Variants in GK observed in about 807,000 individuals in gnomAD.
The protein encoded by GK is ATP:glycerol 3-phosphotransferase.
In GK, 9 loss-of-function variants were observed where a neutral mutation model predicts 56.4. That is an observed-to-expected ratio of 0.16 (90% CI 0.10 to 0.28). The LOEUF is 0.28. Ranked by LOEUF, GK falls within the 10% of genes least tolerant of loss-of-function variation. The pLI is 1.00. For synonymous variants in GK, 104 were observed against 144.1 expected (o/e 0.72, Z 1.99); for missense variants, 161 against 431.4 (o/e 0.37, Z 5.55).
At chrX:30,672,159 C>CAAAAAAAAAAAAAAAAAAAAAAAAAAA in intron 3 of GK, 1 of 21,170 alleles carries the variant, frequency 4.7e-5, no homozygotes, top group Non-Finnish European at 7.5e-5. Flanking sequence ...AACTCCATCT[C>CAAAAAAAAAAAAAAAAAAAAAAAAAAA]AAAAAAAAAA....
At chrX:30,707,262 G>A (rs1209771812) in intron 11 of GK, among the ~76,000 whole-genome samples, 9 of 108,207 alleles carry the variant, frequency 8.3e-5, no homozygotes, top group East Asian at 2.9e-4. Flanking sequence ...CTCGGGAGGC[G>A]GAGGTTGCAA....
At chrX:30,681,961 T>G (rs1029006182) in intron 4 of GK, among the ~76,000 whole-genome samples, 1 of 112,072 alleles carries the variant, frequency 8.9e-6, no homozygotes, top group Non-Finnish European at 1.9e-5. Flanking sequence ...ACCCATTCTC[T>G]TAGTCCATTC....
At chrX:30,694,597 T>C in intron 6 of GK, 60 bp downstream of exon 6, 1 of 976,678 alleles carries the variant, frequency 1.0e-6, no homozygotes, top group Non-Finnish European at 1.5e-6. Context: ...CTAGACTGCC[T>C]TGCCTATTGT....
intron 19 of GK, among the ~76,000 whole-genome samples, chrX:30,725,936 A>G (rs1234476936): frequency 9.0e-6 from 1 of 110,513 alleles, no homozygotes; most frequent in East Asian, 2.8e-4. Context: ...TACAGACATG[A>G]GCCACCGCGC....
At chrX:30,685,226 G>C (rs1934531229) in intron 4 of GK, among the ~76,000 whole-genome samples, 1 of 110,634 alleles carries the variant, frequency 9.0e-6, no homozygotes, top group African/African-American at 3.3e-5. Flanking sequence ...CCGCCTCCCG[G>C]GTTCACGCCA....
intron 3 of GK, among the ~76,000 whole-genome samples, chrX:30,670,335 C>T (rs919722004): frequency 1.8e-5 from 2 of 112,178 alleles, no homozygotes. Context: ...GCTTTCTGGA[C>T]CCACTTGGAT....
At chrX:30,664,505 C>A (rs1280163189) in intron 1 of GK, among the ~76,000 whole-genome samples, 1 of 108,145 alleles carries the variant, frequency 9.2e-6, no homozygotes, top group Non-Finnish European at 1.9e-5. Context: ...GCAAAACTTG[C>A]TATATTTTAA....
At chrX:30,702,052 T>TA (rs1935699972) in intron 11 of GK, among the ~76,000 whole-genome samples, 1 of 110,663 alleles carries the variant, frequency 9.0e-6, no homozygotes, top group Admixed American at 9.6e-5. Context: ...TATTTATTTT[T>TA]TTTTTTTGAG....
intron 19 of GK, among the ~76,000 whole-genome samples, chrX:30,727,098 T>G (rs1421361232): frequency 8.9e-6 from 1 of 112,056 alleles, no homozygotes; most frequent in Non-Finnish European, 1.9e-5. Context: ...AATTTGAACT[T>G]AGGTGGAATT....
intron 13 of GK, among the ~76,000 whole-genome samples, chrX:30,709,502 G>A (rs1355666226): frequency 6.3e-5 from 7 of 111,699 alleles, no homozygotes; most frequent in Non-Finnish European, 7.5e-5. Context: ...AGGGTAAACT[G>A]ACCCAATGCC....
chrX:30,727,275 A>T (rs905630451), intron 19 of GK, among the ~76,000 whole-genome samples, 191 bp from the exon 20 acceptor site: 22 of 112,698 alleles, frequency 2.0e-4, no homozygotes, highest in African/African-American at 7.1e-4. Context: ...TTGTTTGTTA[A>T]CTGTCATAAA....
intron 19 of GK, among the ~76,000 whole-genome samples, chrX:30,725,224 A>G (rs191525860): frequency 1.8e-5 from 2 of 111,807 alleles, no homozygotes; most frequent in Non-Finnish European, 3.8e-5. Flanking sequence ...AAATGAAATA[A>G]TACCTGCCTT....
At chrX:30,659,159 G>A (rs987510720) in intron 1 of GK, among the ~76,000 whole-genome samples, 13 of 111,195 alleles carry the variant, frequency 1.2e-4, no homozygotes, top group Non-Finnish European at 2.3e-4. Flanking sequence ...GCCTCCCCGA[G>A]TAGCTGGGAT....
rs923192563 is a variant in GK, at chrX:30,665,683, C to T, written c.152+99C>T. ...TTGTAAAGTAAACTTGGTCAGACAT[C>T]CTCCTGAAAACATTTGAAAGGTTGT... On this transcript the variant is annotated intron_variant, in intron 2 of 20. Coordinates refer to ENST00000427190, the MANE Select transcript of GK (RefSeq NM_001205019.2). 5.5e-6 allele frequency: 3 copies of T among 548,834 alleles called. No individual in the cohort carries two copies. In the Admixed American group the frequency reaches 7.8e-5, roughly 14 times the overall value. The allele number at this position is 548,834 out of a possible 1,213,427, so 45.2% of individuals were successfully genotyped here.
chrX:30,720,833 T>C lies in GK; in HGVS notation c.1358-19T>C. 1.7e-6 allele frequency: 2 copies of C among 1,211,438 alleles called. No homozygotes were observed. Among genetic ancestry groups the C allele is most frequent in the Non-Finnish European group, 2.2e-6 (2 of 894,989 alleles). ...GCATATGTAACCACAAAGATATTGA[T>C]GGAACTCTCTCTCCTCAGTGAAGCC... is the stretch of plus-strand genomic sequence containing the variant. On this transcript the variant is annotated intron_variant, in intron 17 of 20. Transcript: ENST00000427190.
chrX:30,686,153 A>G (rs1473619265), intron 4 of GK, among the ~76,000 whole-genome samples: 1 of 112,717 alleles, frequency 8.9e-6, no homozygotes, highest in Non-Finnish European at 1.9e-5. Flanking sequence ...GCATATATGT[A>G]AATCAATCTT....
intron 13 of GK, among the ~76,000 whole-genome samples, chrX:30,711,467 C>T (rs1364581493): frequency 9.0e-6 from 1 of 111,385 alleles, no homozygotes; most frequent in Non-Finnish European, 1.9e-5. Flanking sequence ...CCAAGTCTGT[C>T]TTCAGATCTG....
At chrX:30,722,961 G>A (rs972040436) in intron 18 of GK, among the ~76,000 whole-genome samples, 1 of 111,645 alleles carries the variant, frequency 9.0e-6, no homozygotes. Flanking sequence ...GCTCATTTTT[G>A]TTTAGACTTT....
rs775285530 is a variant in GK, at chrX:30,727,683, ATTAG to A, written c.1669+136_1669+139del. On this transcript the variant is annotated intron_variant, in intron 20 of 20. Coordinates refer to ENST00000427190, the MANE Select transcript of GK (RefSeq NM_001205019.2). ...AGCTGGAAAATCAATAAAAGGTCTA[ATTAG>A]TTAGACCAATTAATCTTTGGGGGCA... 4.4e-5 allele frequency: 21 copies of A among 479,765 alleles called. 1 individual carries two copies. The highest frequency in any genetic ancestry group is 3.8e-4 in the African/African-American group (16 of 42,073). 39.5% of individuals were successfully genotyped at this position (479,765 alleles called of 1,213,427 possible).
Sources: gnomAD v4.1 joint callset for allele counts (sites outside exome capture counted in the v4.1 genomes callset) on GRCh38, gnomAD v4.1.1 for gene constraint, MANE v1.5 for transcripts, NCBI Gene and HGNC (gene_info 2026-07-23, HGNC 2026-07-21) for gene names.